Variants in PPP1R9A observed in about 807,000 individuals in gnomAD.
The protein encoded by PPP1R9A is neurabin-1.
Under a neutral mutation model 141.9 loss-of-function variants are expected in PPP1R9A, and 59 were observed. The observed-to-expected ratio is 0.42, with a 90% CI of 0.34 to 0.52. The LOEUF (loss-of-function observed/expected upper bound fraction) is 0.52. Ranked by LOEUF, PPP1R9A falls within the 20% of genes least tolerant of loss-of-function variation. The pLI, the probability that PPP1R9A is intolerant of heterozygous loss-of-function variation, is 0.10. For missense variants in PPP1R9A, 1,444 were observed against 1,611.9 expected (o/e 0.90, Z 1.78); for synonymous variants, 500 against 569.7 (o/e 0.88, Z 1.74).
intron 1 of PPP1R9A, chr7:94,908,226 C>A (rs1443344577): frequency 1.8e-5 from 1 of 54,806 alleles, no homozygotes; most frequent in Admixed American, 2.9e-4. Context: ...GAGTTGCAGG[C>A]TGGGGGTGGG....
At chr7:95,208,509 G>C (rs1791324360) in intron 7 of PPP1R9A, among the ~76,000 whole-genome samples, 1 of 152,220 alleles carries the variant, frequency 6.6e-6, no homozygotes, top group Admixed American at 6.5e-5. Flanking sequence ...TGGATCACGA[G>C]GTCAGGAGAT....
chr7:95,227,494 A>G (rs1334293122), intron 8 of PPP1R9A, among the ~76,000 whole-genome samples: 1 of 152,204 alleles, frequency 6.6e-6, no homozygotes, highest in Non-Finnish European at 1.5e-5. Flanking sequence ...GATCTAGACC[A>G]GGGGTTAGCA....
chr7:95,032,001 G>T (rs1390037315), intron 2 of PPP1R9A, among the ~76,000 whole-genome samples: 1 of 152,136 alleles, frequency 6.6e-6, no homozygotes, highest in East Asian at 1.9e-4. Flanking sequence ...AGAAGTGATG[G>T]TCTATTTTAT....
intron 2 of PPP1R9A, among the ~76,000 whole-genome samples, chr7:95,089,878 C>T (rs1817106058): frequency 6.6e-6 from 1 of 151,874 alleles, no homozygotes; most frequent in African/African-American, 2.4e-5. Flanking sequence ...CACAAACACA[C>T]ATACTAAAAA....
intron 4 of PPP1R9A, among the ~76,000 whole-genome samples, chr7:95,160,364 T>C (rs1373668186): frequency 6.6e-6 from 1 of 152,172 alleles, no homozygotes; most frequent in Non-Finnish European, 1.5e-5. Flanking sequence ...TCTTATGTTT[T>C]ATGTACAGTT....
At chr7:95,221,053 G>C (rs1195638814) in intron 7 of PPP1R9A, among the ~76,000 whole-genome samples, 1 of 152,054 alleles carries the variant, frequency 6.6e-6, no homozygotes, top group Non-Finnish European at 1.5e-5. Context: ...ATGTGTTGAG[G>C]TCTTCTAGGA....
Position 95,219,424 on chromosome 7 carries a change from G to T in PPP1R9A, c.1957-6537G>T, listed in dbSNP as rs192125146. ...ACATTTTTTCCTTCATTTCAACTTT[G>T]GTGAATTTGACAATTATGTGTCTTG... On this transcript the variant is annotated intron_variant, in intron 7 of 19. Transcript: ENST00000433360. 4.3e-3 allele frequency among the ~76,000 whole-genome samples: 649 copies of T among 152,094 alleles called. 4 individuals are homozygous for T. The highest frequency in any genetic ancestry group is 0.014 in the African/African-American group (585 of 41,490).
intron 12 of PPP1R9A, among the ~76,000 whole-genome samples, chr7:95,263,646 A>T (rs1236327318): frequency 6.6e-6 from 1 of 152,138 alleles, no homozygotes; most frequent in African/African-American, 2.4e-5. Context: ...TCCTGACCTC[A>T]TGATCTGCCC....
At chr7:95,266,463 T>C (rs1025860887) in intron 12 of PPP1R9A, among the ~76,000 whole-genome samples, 1 of 152,068 alleles carries the variant, frequency 6.6e-6, no homozygotes, top group Non-Finnish European at 1.5e-5. Context: ...CAAACTCTAA[T>C]GGCATTAAAA....
chr7:95,205,429 G>A (rs1790574250), intron 7 of PPP1R9A, among the ~76,000 whole-genome samples: 2 of 152,180 alleles, frequency 1.3e-5, no homozygotes, highest in African/African-American at 2.4e-5. Context: ...GAAACACAGA[G>A]TTTGCAGTGT....
chr7:95,047,992 A>G (rs1425732176), intron 2 of PPP1R9A, among the ~76,000 whole-genome samples: 2 of 152,208 alleles, frequency 1.3e-5, no homozygotes, highest in African/African-American at 2.4e-5. Context: ...GACTTTAATT[A>G]TACTTTCCCA....
intron 5 of PPP1R9A, among the ~76,000 whole-genome samples, chr7:95,194,231 C>CCAAATGTAAAAAATTTA (rs1191007495): frequency 6.6e-6 from 1 of 151,854 alleles, no homozygotes; most frequent in Non-Finnish European, 1.5e-5. Flanking sequence ...TAAAAATTTA[C>CCAAATGTAAAAAATTTA]CAAAAATGTA....
intron 7 of PPP1R9A, among the ~76,000 whole-genome samples, chr7:95,206,010 G>A (rs922077064): frequency 1.3e-5 from 2 of 152,072 alleles, no homozygotes; most frequent in Admixed American, 6.6e-5. Context: ...AAACCTTTGG[G>A]AATATCAAAA....
chr7:95,203,838 T>C (rs1220262835), intron 7 of PPP1R9A, 108 bp downstream of exon 7: 2 of 757,198 alleles, frequency 2.6e-6, no homozygotes, highest in Non-Finnish European at 4.1e-6. Flanking sequence ...GAAGAACTTC[T>C]CTAGAGTGAT....
At chr7:95,112,581 T>C (rs1207860533) in intron 3 of PPP1R9A, among the ~76,000 whole-genome samples, 1 of 152,110 alleles carries the variant, frequency 6.6e-6, no homozygotes, top group African/African-American at 2.4e-5. Context: ...GGAAAAGAAA[T>C]GGTATCAAAA....
intron 12 of PPP1R9A, among the ~76,000 whole-genome samples, chr7:95,258,331 G>A (rs1244447841): frequency 6.6e-6 from 1 of 152,146 alleles, no homozygotes; most frequent in Non-Finnish European, 1.5e-5. Context: ...AGAAGTGTCT[G>A]TTCATATCCT....
intron 5 of PPP1R9A, among the ~76,000 whole-genome samples, chr7:95,164,832 C>G (rs1261443290): frequency 1.4e-5 from 2 of 143,178 alleles, no homozygotes. Flanking sequence ...GCTCCATTCT[C>G]TCTTCCTAGA....
At chr7:95,243,034 T>A (rs2152990798) in intron 8 of PPP1R9A, among the ~76,000 whole-genome samples, 1 of 152,306 alleles carries the variant, frequency 6.6e-6, no homozygotes, top group East Asian at 1.9e-4. Context: ...ATAAGAAAAC[T>A]CAACCTTTTA....
chr7:95,102,757 C>T (rs1818955782), intron 2 of PPP1R9A, among the ~76,000 whole-genome samples: 1 of 152,112 alleles, frequency 6.6e-6, no homozygotes. Context: ...GGTCTTATTT[C>T]TACTTACTTG....
Sources: allele counts gnomAD v4.1 joint callset (sites outside exome capture counted in the v4.1 genomes callset), GRCh38; gene constraint gnomAD v4.1.1; transcripts MANE v1.5; gene names NCBI Gene and HGNC (gene_info 2026-07-23, HGNC 2026-07-21).